Variants in DOCK1 observed in about 807,000 individuals in gnomAD.
DOCK1 encodes dedicator of cytokinesis protein 1.
DOCK1 carries 138 observed loss-of-function variants against 262.7 expected under a neutral mutation model. The ratio of observed to expected loss-of-function variants is 0.53; its 90% CI spans 0.46 to 0.61. DOCK1 has a LOEUF of 0.61. Among genes scored for constraint, DOCK1 ranks in the 20% least tolerant of loss-of-function variants. DOCK1 has a pLI of 0.00. For synonymous variants in DOCK1, 866 were observed against 867.4 expected, an observed-to-expected ratio of 1.00 and a Z score of 0.03; for missense variants, 1,908 against 2,370.7, an observed-to-expected ratio of 0.80 and a Z score of 4.05.
intron 27 of DOCK1, chr10:127,128,020 G>T: frequency 3.8e-6 from 1 of 262,816 alleles, no homozygotes; most frequent in Non-Finnish European, 7.2e-6. Context: ...CTGCTGAGTC[G>T]TCATTCTTCT....
intron 28 of DOCK1, among the ~76,000 whole-genome samples, chr10:127,252,871 C>T (rs1351892314): frequency 1.3e-5 from 2 of 152,084 alleles, no homozygotes; most frequent in Non-Finnish European, 2.9e-5. Context: ...GCGATGCGGG[C>T]TCTTTTTTGG....
intron 22 of DOCK1, among the ~76,000 whole-genome samples, chr10:127,060,578 A>C (rs7073304): frequency 0.45 from 69,136 of 152,070 alleles, 15,964 homozygotes; most frequent in Middle Eastern, 0.56. Flanking sequence ...CACTGTATTA[A>C]TAAAACATCT....
intron 27 of DOCK1, among the ~76,000 whole-genome samples, chr10:127,192,309 T>C (rs61874035): frequency 0.013 from 2,022 of 152,298 alleles, 13 homozygotes; most frequent in Non-Finnish European, 0.02. Flanking sequence ...CTTTGAAATA[T>C]GTTGTTAGCC....
intron 27 of DOCK1, among the ~76,000 whole-genome samples, chr10:127,195,326 G>C (rs1035424067): frequency 6.6e-6 from 1 of 152,256 alleles, no homozygotes; most frequent in South Asian, 2.1e-4. Context: ...GCGTTGGTTG[G>C]TTTCCCACGC....
intron 22 of DOCK1, among the ~76,000 whole-genome samples, chr10:127,057,941 G>T (rs2045271410): frequency 6.6e-6 from 1 of 152,102 alleles, no homozygotes; most frequent in Admixed American, 6.5e-5. Context: ...GAATGAGCAG[G>T]TCTTATTCAT....
intron 23 of DOCK1, among the ~76,000 whole-genome samples, chr10:127,079,728 C>T (rs12254152): frequency 0.011 from 1,739 of 152,234 alleles, 31 homozygotes; most frequent in African/African-American, 0.036. Context: ...GTCAGGAGTT[C>T]GAGATCAGCC....
intron 27 of DOCK1, among the ~76,000 whole-genome samples, chr10:127,174,699 A>T (rs756300002): frequency 1.8e-4 from 27 of 152,206 alleles, no homozygotes; most frequent in Non-Finnish European, 3.1e-4. Flanking sequence ...ACTGTCTATG[A>T]TGTAAAGCCT....
chr10:127,208,030 A>G (rs549758754), intron 27 of DOCK1, among the ~76,000 whole-genome samples: 1 of 152,292 alleles, frequency 6.6e-6, no homozygotes, highest in East Asian at 1.9e-4. Context: ...CTCCTCTGCG[A>G]TTTGGGCAGA....
intron 51 of DOCK1, among the ~76,000 whole-genome samples, chr10:127,448,218 G>T (rs575609376): frequency 2.0e-5 from 3 of 152,290 alleles, no homozygotes; most frequent in Admixed American, 6.5e-5. Flanking sequence ...TAAGCAACCT[G>T]CTGGAACCCC....
At chr10:127,114,752 T>C (rs1473226989) in intron 25 of DOCK1, among the ~76,000 whole-genome samples, 1 of 118,070 alleles carries the variant, frequency 8.5e-6, no homozygotes, top group Non-Finnish European at 1.7e-5. Flanking sequence ...GATCCTTTTT[T>C]TTCTTTCTTT....
chr10:127,139,643 C>T (rs2051031982), intron 27 of DOCK1, among the ~76,000 whole-genome samples: 1 of 152,160 alleles, frequency 6.6e-6, no homozygotes, highest in African/African-American at 2.4e-5. Context: ...GGCCTCAGTT[C>T]CGTGATGTGG....
At chr10:127,362,963 C>CCACACACACA (rs1455859083) in intron 33 of DOCK1, among the ~76,000 whole-genome samples, 6 of 4,536 alleles carry the variant, frequency 1.3e-3, no homozygotes, top group Non-Finnish European at 1.5e-3. Context: ...ATGTGCATCC[C>CCACACACACA]CACATACACA....
chr10:127,261,228 TGTGC>T lies in DOCK1; in HGVS notation c.3044+3803_3044+3806del, dbSNP rs1159644748. ...GTACCTGCATGTGTGTGCATGTGGG[TGTGC>T]GTGTGTGTACCTGCATGTGTGTGCA... is the stretch of plus-strand genomic sequence containing the variant. On this transcript the variant is annotated intron_variant, in intron 29 of 51. Coordinates refer to ENST00000623213, the MANE Select transcript of DOCK1 (RefSeq NM_001290223.2). Among the ~76,000 whole-genome samples the T allele has an allele frequency of 1.9e-4, 26 of 137,182 alleles. 2 individuals carry two copies. Among genetic ancestry groups the T allele is most frequent in the East Asian group, 4.6e-4 (2 of 4,378 alleles). The allele number at this position is 137,182 out of a possible 152,430, so 90.0% of individuals were successfully genotyped here. A position where few individuals can be genotyped will look rare whatever the true frequency, so the allele number is the denominator to read the frequency against.
chr10:127,016,696 CCACAAA>C (rs2041913708), intron 12 of DOCK1: 1 of 123,064 alleles, frequency 8.1e-6, no homozygotes, highest in African/African-American at 3.3e-5. Flanking sequence ...GATACAAATA[CCACAAA>C]CACAGACATA....
intron 6 of DOCK1, among the ~76,000 whole-genome samples, chr10:126,992,676 A>G (rs1299850077): frequency 2.0e-5 from 3 of 151,558 alleles, no homozygotes; most frequent in Non-Finnish European, 4.4e-5. Flanking sequence ...CTTGGACCAT[A>G]TCTCTAGAAA....
intron 43 of DOCK1, among the ~76,000 whole-genome samples, chr10:127,411,794 C>T (rs999703293): frequency 7.2e-5 from 11 of 151,946 alleles, no homozygotes; most frequent in African/African-American, 1.9e-4. Flanking sequence ...GAGCCAAGAT[C>T]GCTCCATTGC....
At chr10:126,998,643 G>A (rs7101105) in intron 8 of DOCK1, 5,032 of 166,004 alleles carry the variant, frequency 0.03, 266 homozygotes, top group African/African-American at 0.11. Flanking sequence ...CCATTTCTGT[G>A]AGTTTTGTCT....
intron 27 of DOCK1, chr10:127,137,378 CT>C (rs1285048104): frequency 1.3e-5 from 2 of 153,538 alleles, no homozygotes; most frequent in African/African-American, 4.8e-5. Flanking sequence ...TCGCCCCCTG[CT>C]TATTTGCAAA....
chr10:127,180,141 A>G (rs2055589171), intron 27 of DOCK1, among the ~76,000 whole-genome samples: 2 of 152,204 alleles, frequency 1.3e-5, no homozygotes, highest in African/African-American at 4.8e-5. Flanking sequence ...GAAAACATCA[A>G]ACAACTGAAA....
Sources: gnomAD v4.1 joint callset for allele counts (sites outside exome capture counted in the v4.1 genomes callset) on GRCh38, gnomAD v4.1.1 for gene constraint, MANE v1.5 for transcripts, NCBI Gene and HGNC (gene_info 2026-07-23, HGNC 2026-07-21) for gene names.